Variants in FSTL5 observed in about 807,000 individuals in gnomAD.
FSTL5 encodes the protein follistatin like 5, also known as follistatin-related protein 5.
Under a neutral mutation model 89.1 loss-of-function variants are expected in FSTL5, and 62 were observed. The ratio of observed to expected loss-of-function variants is 0.70; its 90% CI spans 0.57 to 0.86. FSTL5 has a LOEUF of 0.86. FSTL5 is among the 40% of genes least tolerant of loss of function. The probability of loss-of-function intolerance (pLI) is 0.00; values close to 1 mark genes in which losing one functional copy is unlikely to be tolerated. For missense variants in FSTL5, 1,057 were observed against 1,001.6 expected, an observed-to-expected ratio of 1.06 and a Z score of -0.75; for synonymous variants, 383 against 346.2, an observed-to-expected ratio of 1.11 and a Z score of -1.18.
At chr4:161,629,800 G>C (rs1735442027) in intron 7 of FSTL5, among the ~76,000 whole-genome samples, 1 of 152,142 alleles carries the variant, frequency 6.6e-6, no homozygotes, top group Non-Finnish European at 1.5e-5. Context: ...ACTCATGTGT[G>C]AACCTTTAGG....
At chr4:161,653,764 T>C (rs1023720149) in intron 7 of FSTL5, among the ~76,000 whole-genome samples, 1 of 152,170 alleles carries the variant, frequency 6.6e-6, no homozygotes, top group African/African-American at 2.4e-5. Flanking sequence ...AAAATGTATT[T>C]TCATAATTTG....
intron 4 of FSTL5, among the ~76,000 whole-genome samples, chr4:161,845,048 A>G (rs1489339244): frequency 6.6e-6 from 1 of 152,162 alleles, no homozygotes; most frequent in Non-Finnish European, 1.5e-5. Flanking sequence ...ATTAAAAGTA[A>G]TTAAAAAGAA....
intron 3 of FSTL5, among the ~76,000 whole-genome samples, chr4:161,958,941 T>A (rs1252855714): frequency 6.6e-6 from 1 of 152,164 alleles, no homozygotes; most frequent in Non-Finnish European, 1.5e-5. Context: ...TTCTCAGTTC[T>A]ATCTCTTCAA....
At chr4:161,736,227 A>C (rs1490335470) in intron 6 of FSTL5, among the ~76,000 whole-genome samples, 1 of 152,216 alleles carries the variant, frequency 6.6e-6, no homozygotes, top group East Asian at 1.9e-4. Context: ...GCTCAATGCT[A>C]TATGACTATT....
intron 5 of FSTL5, among the ~76,000 whole-genome samples, chr4:161,769,818 C>A (rs185553630): frequency 5.3e-4 from 80 of 150,804 alleles, no homozygotes; most frequent in Non-Finnish European, 9.2e-4. Context: ...CTAGAGCAAT[C>A]AGAAAAGAGA....
intron 3 of FSTL5, among the ~76,000 whole-genome samples, chr4:161,934,240 G>A (rs138893518): frequency 6.6e-6 from 1 of 152,002 alleles, no homozygotes; most frequent in Non-Finnish European, 1.5e-5. Context: ...TCCTATCAAT[G>A]TTTATAGTTC....
At chr4:161,719,778 G>T (rs905419984) in intron 6 of FSTL5, among the ~76,000 whole-genome samples, 1 of 151,926 alleles carries the variant, frequency 6.6e-6, no homozygotes, top group Admixed American at 6.6e-5. Flanking sequence ...TTAGTGTATT[G>T]TAATGCAAAC....
chr4:161,435,414 CAG>C (rs912881919), intron 15 of FSTL5, among the ~76,000 whole-genome samples: 15 of 151,812 alleles, frequency 9.9e-5, no homozygotes, highest in Admixed American at 7.9e-4. Flanking sequence ...TAATGGTTAA[CAG>C]AGGCTGAAAG....
intron 5 of FSTL5, among the ~76,000 whole-genome samples, chr4:161,769,274 C>T (rs1024509255): frequency 4.6e-5 from 7 of 151,862 alleles, no homozygotes; most frequent in African/African-American, 1.7e-4. Context: ...AGAACTAATA[C>T]TAATCTTACT....
At chr4:161,809,145 G>C (rs545207625) in intron 4 of FSTL5, among the ~76,000 whole-genome samples, 1 of 152,278 alleles carries the variant, frequency 6.6e-6, no homozygotes, top group African/African-American at 2.4e-5. Context: ...CGTGAACCCG[G>C]GAGGCGGAGC....
rs1223553843 is a variant in FSTL5, at chr4:161,904,487, A to T, written c.409+15917T>A. Among the ~76,000 whole-genome samples, 4 of 152,192 alleles carry T rather than the reference A, an allele frequency of 2.6e-5. No homozygotes were observed. In the East Asian group the frequency reaches 7.7e-4, roughly 29 times the overall value. ...TAAATTTATTTTTCTCAGAATAAGA[A>T]TACATACTATTGAAATTTATTCCAA... On this transcript the variant is annotated intron_variant, in intron 4 of 15. Coordinates refer to ENST00000306100, the MANE Select transcript of FSTL5 (RefSeq NM_020116.5).
intron 1 of FSTL5, among the ~76,000 whole-genome samples, chr4:162,114,998 C>A (rs577455125): frequency 6.6e-6 from 1 of 152,032 alleles, no homozygotes; most frequent in South Asian, 2.1e-4. Flanking sequence ...ACTGGTATCA[C>A]AAATAAAACT....
At chr4:161,830,698 G>A (rs17639345) in intron 4 of FSTL5, among the ~76,000 whole-genome samples, 19,181 of 151,948 alleles carry the variant, frequency 0.13, 1,322 homozygotes, top group South Asian at 0.17. Flanking sequence ...AAATGCTTGT[G>A]AAAGTTATTC....
chr4:161,465,368 A>C (rs928454699), intron 13 of FSTL5, among the ~76,000 whole-genome samples: 7 of 152,142 alleles, frequency 4.6e-5, no homozygotes, highest in African/African-American at 1.7e-4. Context: ...ATTATTCAGG[A>C]ATATATAATT....
intron 3 of FSTL5, among the ~76,000 whole-genome samples, chr4:161,992,921 T>TAC (rs1560957682): frequency 1.5e-4 from 2 of 13,146 alleles, no homozygotes; most frequent in Non-Finnish European, 1.9e-4. Context: ...TATATATATA[T>TAC]ATATGTGTGT....
intron 2 of FSTL5, among the ~76,000 whole-genome samples, chr4:162,067,443 A>C (rs1435589524): frequency 6.6e-6 from 1 of 152,090 alleles, no homozygotes; most frequent in Non-Finnish European, 1.5e-5. Flanking sequence ...TGCAATAAAC[A>C]CTTGCATGCA....
chr4:161,696,089 C>T (rs186701563), intron 6 of FSTL5, among the ~76,000 whole-genome samples: 80 of 152,232 alleles, frequency 5.3e-4, no homozygotes, highest in Non-Finnish European at 9.3e-4. Flanking sequence ...TTTATAGTTT[C>T]AGGTCTTAGG....
At chr4:161,824,127 G>T (rs750072654) in intron 4 of FSTL5, among the ~76,000 whole-genome samples, 3 of 152,162 alleles carry the variant, frequency 2.0e-5, no homozygotes, top group Non-Finnish European at 2.9e-5. Flanking sequence ...TTATTGCATA[G>T]AATTTTTATG....
intron 4 of FSTL5, among the ~76,000 whole-genome samples, chr4:161,782,470 G>A (rs1289787298): frequency 6.6e-6 from 1 of 152,092 alleles, no homozygotes; most frequent in Non-Finnish European, 1.5e-5. Flanking sequence ...TTCTGTTTTA[G>A]AGCGGATTAT....
Sources: allele counts gnomAD v4.1 joint callset (sites outside exome capture counted in the v4.1 genomes callset), GRCh38; gene constraint gnomAD v4.1.1; transcripts MANE v1.5; gene names NCBI Gene and HGNC (gene_info 2026-07-23, HGNC 2026-07-21).